Variants in FAT3 observed in about 807,000 individuals in gnomAD.
The protein encoded by FAT3 is FAT atypical cadherin 3.
FAT3 carries 95 observed loss-of-function variants against 310.2 expected under a neutral mutation model. The ratio of observed to expected loss-of-function variants is 0.31; its 90% CI spans 0.26 to 0.36. The LOEUF (loss-of-function observed/expected upper bound fraction) is 0.36, where lower values mean the gene tolerates loss of function less well. Among genes scored for constraint, FAT3 ranks in the 10% least tolerant of loss-of-function variants. The pLI, the probability that FAT3 is intolerant of heterozygous loss-of-function variation, is 1.00. For synonymous variants in FAT3, 2,314 were observed against 2,192.9 expected (o/e 1.06, Z -1.54); for missense variants, 5,408 against 5,715.6 (o/e 0.95, Z 1.74).
intron 8 of FAT3, among the ~76,000 whole-genome samples, chr11:92,791,196 G>T (rs570154200): frequency 6.6e-6 from 1 of 152,200 alleles, no homozygotes; most frequent in Non-Finnish European, 1.5e-5. Context: ...CATCACTATG[G>T]CCCTTCATTC....
intron 2 of FAT3, among the ~76,000 whole-genome samples, chr11:92,419,562 A>G (rs903636654): frequency 6.6e-6 from 1 of 152,148 alleles, no homozygotes; most frequent in African/African-American, 2.4e-5. Context: ...GTATCTTTAT[A>G]TTTCTTTTAT....
chr11:92,555,361 ATAACT>A (rs1307614590), intron 3 of FAT3, among the ~76,000 whole-genome samples: 1 of 152,238 alleles, frequency 6.6e-6, no homozygotes, highest in African/African-American at 2.4e-5. Flanking sequence ...TGCATTGGAA[ATAACT>A]TAAACTGTGT....
At chr11:92,601,383 A>C (rs1940017206) in intron 3 of FAT3, among the ~76,000 whole-genome samples, 1 of 152,106 alleles carries the variant, frequency 6.6e-6, no homozygotes, top group Admixed American at 6.5e-5. Context: ...AACATGGTGA[A>C]ACACTGTCTC....
Position 92,859,260 on chromosome 11 carries a change from C to T in FAT3, c.11596C>T (p.Arg3866Ter). 6.2e-7 allele frequency: 1 copy of T among 1,613,580 alleles called. No homozygotes were observed. The highest frequency in any genetic ancestry group is 8.5e-7 in the Non-Finnish European group (1 of 1,179,730). ...EEDFKLALRL[R>*]TLQSNGIIMY... ...GGATTTCAAACTAGCTCTGCGTCTTCGAACACTGCAAAGCAATGGGATTAT... is the reference window on the plus strand; with the variant it reads ...GGATTTCAAACTAGCTCTGCGTCTTTGAACACTGCAAAGCAATGGGATTAT... The change falls in exon 21 of 28, where the codon CGA (arginine) becomes TGA (stop). Residue 3866 changes from arginine to a stop codon, truncating the protein, a stop_gained. Transcript: ENST00000525166. LOFTEE classifies it high-confidence loss of function.
chr11:92,472,537 T>C (rs1002888339), intron 2 of FAT3, among the ~76,000 whole-genome samples: 1 of 152,188 alleles, frequency 6.6e-6, no homozygotes, highest in African/African-American at 2.4e-5. Flanking sequence ...AAAATAAAAC[T>C]GCCTAGCTCT....
At chr11:92,474,988 G>A (rs1308191720) in intron 2 of FAT3, among the ~76,000 whole-genome samples, 1 of 152,194 alleles carries the variant, frequency 6.6e-6, no homozygotes, top group South Asian at 2.1e-4. Flanking sequence ...GGCCTCATGG[G>A]CACATTGCCC....
Position 92,835,099 on chromosome 11 carries a change from T to C in FAT3, c.10086+15T>C, listed in dbSNP as rs748183237. ...CTGTCATTTTGGTAGGTACCTGGGGTTGGGGATGGTTCTAGATGTTTGGGA... is the reference window on the plus strand; with the variant it reads ...CTGTCATTTTGGTAGGTACCTGGGGCTGGGGATGGTTCTAGATGTTTGGGA... On this transcript the variant is annotated intron_variant, in intron 15 of 27. Coordinates refer to ENST00000525166, the MANE Select transcript of FAT3 (RefSeq NM_001367949.2). 5.0e-6 allele frequency: 8 copies of C among 1,605,380 alleles called. No individual in the cohort carries two copies. Among genetic ancestry groups the C allele is most frequent in the South Asian group, 2.2e-5 (2 of 89,898 alleles).
chr11:92,501,071 C>G (rs1952924409), intron 2 of FAT3, among the ~76,000 whole-genome samples: 1 of 151,908 alleles, frequency 6.6e-6, no homozygotes, highest in Admixed American at 6.6e-5. Flanking sequence ...TGATAGTGCA[C>G]AAGAAGGAAT....
At chr11:92,278,406 G>A (rs1946332944) in intron 1 of FAT3, among the ~76,000 whole-genome samples, 2 of 151,976 alleles carry the variant, frequency 1.3e-5, no homozygotes. Context: ...ATTTTTATAG[G>A]TAGGCCTGTG....
intron 2 of FAT3, among the ~76,000 whole-genome samples, chr11:92,507,741 T>C (rs1953161862): frequency 6.6e-6 from 1 of 151,818 alleles, no homozygotes; most frequent in African/African-American, 2.4e-5. Context: ...ATATATAGGA[T>C]ACATACACAC....
chr11:92,706,187 G>A (rs1201913622), intron 4 of FAT3, among the ~76,000 whole-genome samples: 1 of 151,982 alleles, frequency 6.6e-6, no homozygotes, highest in Non-Finnish European at 1.5e-5. Context: ...GTTAGTATGG[G>A]CCCTTAAGAA....
intron 2 of FAT3, among the ~76,000 whole-genome samples, chr11:92,359,568 C>T (rs1172494975): frequency 2.0e-4 from 30 of 149,524 alleles, no homozygotes; most frequent in Non-Finnish European, 1.6e-4. Flanking sequence ...CATGCTGGTG[C>T]GCTGCACCCA....
intron 1 of FAT3, among the ~76,000 whole-genome samples, chr11:92,314,501 C>T (rs11019901): frequency 0.074 from 11,219 of 152,070 alleles, 573 homozygotes; most frequent in African/African-American, 0.14. Flanking sequence ...TTATTGTCTG[C>T]TTATTGTGGG....
At chr11:92,593,006 A>G (rs1479631555) in intron 3 of FAT3, among the ~76,000 whole-genome samples, 1 of 151,970 alleles carries the variant, frequency 6.6e-6, no homozygotes, top group Non-Finnish European at 1.5e-5. Flanking sequence ...TTCTTTTTCT[A>G]TGAATTTGAA....
chr11:92,329,600 A>G (rs950188606), intron 1 of FAT3, among the ~76,000 whole-genome samples: 3 of 150,498 alleles, frequency 2.0e-5, no homozygotes, highest in African/African-American at 4.9e-5. Flanking sequence ...GAATATGTAC[A>G]TCTTTTTATA....
Position 92,790,020 on chromosome 11 carries a change from G to A in FAT3, c.4413G>A (p.Glu1471=), listed in dbSNP as rs1946995188. ...CGAATTACGATGTGACAATTTCCGAGGATGTGCTTCCAGACACGGAGATCC... is the reference window on the plus strand; with the variant it reads ...CGAATTACGATGTGACAATTTCCGAAGATGTGCTTCCAGACACGGAGATCC... ...SQPNYDVTIS[E]DVLPDTEILQ... is the part of the protein sequence containing the mutation. The change falls in exon 8 of 28, where the codon GAG becomes GAA. Residue 1471 remains glutamate (E), a synonymous_variant. Coordinates refer to ENST00000525166, the MANE Select transcript of FAT3 (RefSeq NM_001367949.2). The A allele has an allele frequency of 1.2e-6, 2 of 1,613,712 alleles. No individual in the cohort carries two copies. The highest frequency in any genetic ancestry group is 3.3e-5 in the Admixed American group (2 of 59,982).
At chr11:92,758,784 G>T (rs180843811) in intron 4 of FAT3, among the ~76,000 whole-genome samples, 147 of 152,308 alleles carry the variant, frequency 9.7e-4, no homozygotes, top group African/African-American at 3.2e-3. Context: ...TTGGCATGGG[G>T]TGAGGGGTGT....
intron 4 of FAT3, among the ~76,000 whole-genome samples, chr11:92,731,106 C>A (rs1195631952): frequency 1.3e-5 from 2 of 152,212 alleles, no homozygotes; most frequent in Admixed American, 6.5e-5. Context: ...TTCAGTCCAA[C>A]ACCCTTTATC....
intron 2 of FAT3, among the ~76,000 whole-genome samples, chr11:92,447,419 A>G (rs1235105534): frequency 6.6e-6 from 1 of 151,902 alleles, no homozygotes; most frequent in Non-Finnish European, 1.5e-5. Flanking sequence ...TTGGAGGTGG[A>G]GATTAATGAC....
Sources: gnomAD v4.1 joint callset for allele counts (sites outside exome capture counted in the v4.1 genomes callset) on GRCh38, gnomAD v4.1.1 for gene constraint, MANE v1.5 for transcripts, NCBI Gene and HGNC (gene_info 2026-07-23, HGNC 2026-07-21) for gene names.